Variants in APP observed in about 807,000 individuals in gnomAD.
APP encodes amyloid-beta precursor protein.
In APP, 31 loss-of-function variants were observed where a neutral mutation model predicts 101.4. That is an observed-to-expected ratio of 0.31 (90% confidence interval 0.23 to 0.41). The LOEUF is 0.41. Among genes scored for constraint, APP ranks in the 10% least tolerant of loss-of-function variants. APP has a pLI of 1.00. For missense variants in APP, 839 were observed against 1,003.7 expected, an observed-to-expected ratio of 0.84 and a Z score of 2.22; for synonymous variants, 366 against 364.4, an observed-to-expected ratio of 1.00 and a Z score of -0.05.
intron 17 of APP, among the ~76,000 whole-genome samples, chr21:25,887,862 C>G (rs1482844648): frequency 6.6e-6 from 1 of 152,176 alleles, no homozygotes; most frequent in Non-Finnish European, 1.5e-5. Flanking sequence ...GATGTTTGCA[C>G]AGCGATCAAA....
At chr21:25,942,038 A>G (rs1406866631) in intron 13 of APP, 1 of 152,216 alleles carries the variant, frequency 6.6e-6, no homozygotes, top group Non-Finnish European at 1.5e-5. Flanking sequence ...TCTAAGCAGA[A>G]GATACAAAAT....
At chr21:25,914,086 T>C (rs1302026731) in intron 13 of APP, among the ~76,000 whole-genome samples, 5 of 152,100 alleles carry the variant, frequency 3.3e-5, no homozygotes, top group African/African-American at 9.7e-5. Context: ...TTTCCTGTTT[T>C]CTAATCATGG....
At chr21:25,970,930 T>C (rs912502831) in intron 11 of APP, among the ~76,000 whole-genome samples, 12 of 152,216 alleles carry the variant, frequency 7.9e-5, no homozygotes, top group African/African-American at 2.7e-4. Context: ...AATGGGTGAC[T>C]TTCTGGTTAA....
chr21:26,127,199 T>A (rs2062702624), intron 1 of APP, among the ~76,000 whole-genome samples: 2 of 149,366 alleles, frequency 1.3e-5, no homozygotes, highest in Non-Finnish European at 1.5e-5. Context: ...AGCTTTCATT[T>A]AAAAAAAAAA....
At chr21:26,090,139 C>T in intron 2 of APP, 67 bp from the exon 3 acceptor site, 1 of 1,603,178 alleles carries the variant, frequency 6.2e-7, no homozygotes, top group Non-Finnish European at 8.5e-7. Flanking sequence ...AAGCATCTAA[C>T]AAGCCTCCAC....
At chr21:26,060,117 A>T (rs2145991489) in intron 3 of APP, among the ~76,000 whole-genome samples, 1 of 152,260 alleles carries the variant, frequency 6.6e-6, no homozygotes, top group South Asian at 2.1e-4. Context: ...TTCTCATAAT[A>T]ATAATCATAG....
chr21:25,982,803 C>T (rs1412452456), intron 8 of APP, among the ~76,000 whole-genome samples: 1 of 152,044 alleles, frequency 6.6e-6, no homozygotes, highest in Non-Finnish European at 1.5e-5. Flanking sequence ...TTTCCAAATC[C>T]CCATGCTTTC....
chr21:25,893,039 AT>A (rs2037800553), intron 16 of APP, among the ~76,000 whole-genome samples: 1 of 152,118 alleles, frequency 6.6e-6, no homozygotes, highest in Admixed American at 6.6e-5. Flanking sequence ...GGTTCACTTC[AT>A]GTCTGTGTCA....
intron 9 of APP, among the ~76,000 whole-genome samples, chr21:25,979,710 C>G (rs1568799750): frequency 6.6e-6 from 1 of 151,866 alleles, no homozygotes; most frequent in Non-Finnish European, 1.5e-5. Flanking sequence ...GAAGACCTGT[C>G]ACATCTAAAA....
intron 3 of APP, among the ~76,000 whole-genome samples, chr21:26,054,933 GTTTAAAC>G (rs1044617366): frequency 6.6e-6 from 1 of 152,078 alleles, no homozygotes; most frequent in Non-Finnish European, 1.5e-5. Context: ...TCATAAAAGG[GTTTAAAC>G]TTTAGTCTGT....
chr21:25,895,468 T>A (rs564414947), intron 16 of APP, among the ~76,000 whole-genome samples: 2 of 152,308 alleles, frequency 1.3e-5, no homozygotes, highest in South Asian at 4.1e-4. Flanking sequence ...CTGGCCAACA[T>A]AACTTTTATA....
chr21:26,019,287 G>C (rs1309300899), intron 6 of APP, among the ~76,000 whole-genome samples: 2 of 152,204 alleles, frequency 1.3e-5, no homozygotes, highest in African/African-American at 4.8e-5. Context: ...ATCTGCTCTA[G>C]CTTAAATTGG....
chr21:25,929,904 T>C (rs1308049596), intron 13 of APP, among the ~76,000 whole-genome samples: 1 of 152,182 alleles, frequency 6.6e-6, no homozygotes, highest in Non-Finnish European at 1.5e-5. Flanking sequence ...CCATTTTTTC[T>C]GCTGGAGCTC....
intron 8 of APP, among the ~76,000 whole-genome samples, chr21:25,984,446 G>A (rs8128923): frequency 0.24 from 36,755 of 151,950 alleles, 4,920 homozygotes; most frequent in East Asian, 0.43. Context: ...TCAAAAATAA[G>A]TAAATTGTTA....
chr21:26,038,127 T>C (rs1419635247), intron 5 of APP, among the ~76,000 whole-genome samples: 1 of 152,142 alleles, frequency 6.6e-6, no homozygotes, highest in African/African-American at 2.4e-5. Context: ...TTTCTAATCA[T>C]GAGACATCAT....
At chr21:26,125,281 G>A (rs931152504) in intron 1 of APP, among the ~76,000 whole-genome samples, 2 of 151,910 alleles carry the variant, frequency 1.3e-5, no homozygotes, top group Non-Finnish European at 2.9e-5. Context: ...AACTTTCGTG[G>A]GCCTCTTTCT....
chr21:26,018,450 T>C (rs970628705), intron 6 of APP, among the ~76,000 whole-genome samples: 10 of 152,196 alleles, frequency 6.6e-5, no homozygotes, highest in African/African-American at 2.4e-4. Flanking sequence ...TGCTCTCAAT[T>C]AGGGAAGAAC....
chr21:26,163,921 G>A (rs914961512), intron 1 of APP, among the ~76,000 whole-genome samples: 2 of 152,216 alleles, frequency 1.3e-5, no homozygotes, highest in African/African-American at 2.4e-5. Flanking sequence ...TTTTAAAGAT[G>A]TAACAGCCAT....
At chr21:25,905,229 T>C in intron 14 of APP, 152 bp from the exon 15 acceptor site, 1 of 719,504 alleles carries the variant, frequency 1.4e-6, no homozygotes, top group South Asian at 1.5e-5. Context: ...AGTGAGTTAA[T>C]CCCGAGCATC....
Sources: allele counts gnomAD v4.1 joint callset (sites outside exome capture counted in the v4.1 genomes callset), GRCh38; gene constraint gnomAD v4.1.1; transcripts MANE v1.5; gene names NCBI Gene and HGNC (gene_info 2026-07-23, HGNC 2026-07-21).